Variants in DST observed in about 807,000 individuals in gnomAD.
DST encodes the protein bullous pemphigoid antigen.
Under a neutral mutation model 875.2 loss-of-function variants are expected in DST, and 253 were observed. That is an observed-to-expected ratio of 0.29 (90% CI 0.26 to 0.32). DST has a LOEUF of 0.32. Ranked by LOEUF, DST falls within the 10% of genes least tolerant of loss-of-function variation. The pLI, the probability that DST is intolerant of heterozygous loss-of-function variation, is 1.00. For missense variants in DST, 8,287 were observed against 9,111.6 expected, an observed-to-expected ratio of 0.91 and a Z score of 3.68; for synonymous variants, 3,124 against 3,197.1, an observed-to-expected ratio of 0.98 and a Z score of 0.77.
In DST at chr6:56,642,624, G is replaced by A. The variant is rs2152781868; in HGVS notation, c.1779-121C>T. 2.5e-6 allele frequency: 4 copies of A among 1,614,074 alleles called. No individual in the cohort carries two copies. The highest frequency in any genetic ancestry group is 1.7e-6 in the Non-Finnish European group (2 of 1,179,948). Reference sequence around the variant, plus strand: ...ATCCCACACCAATGATTCAATACCTGTGTCCATCAAAGGATTCACTGCCGA... The same window carrying A: ...ATCCCACACCAATGATTCAATACCTATGTCCATCAAAGGATTCACTGCCGA... On this transcript the variant is annotated intron_variant, in intron 15 of 103. Coordinates refer to ENST00000680361, the MANE Select transcript of DST (RefSeq NM_001374736.1).
intron 2 of DST, among the ~76,000 whole-genome samples, chr6:56,916,774 TCTCTCA>T (rs1404295301): frequency 1.6e-4 from 14 of 88,518 alleles, no homozygotes; most frequent in Admixed American, 5.6e-4. Flanking sequence ...TCTCTCTCTC[TCTCTCA>T]CACACACACA....
intron 10 of DST, among the ~76,000 whole-genome samples, chr6:56,658,321 A>G (rs1483062514): frequency 6.6e-6 from 1 of 152,202 alleles, no homozygotes; most frequent in South Asian, 2.1e-4. Context: ...TTTAGTCCTA[A>G]TTTGCTCTCT....
At chr6:56,855,776 C>T (rs1459409365) in intron 3 of DST, among the ~76,000 whole-genome samples, 1 of 152,170 alleles carries the variant, frequency 6.6e-6, no homozygotes, top group African/African-American at 2.4e-5. Context: ...GACACCATCC[C>T]ATGGCAGGGT....
intron 4 of DST, among the ~76,000 whole-genome samples, chr6:56,815,776 T>C (rs1000802970): frequency 1.3e-5 from 2 of 150,356 alleles, no homozygotes; most frequent in East Asian, 3.9e-4. Flanking sequence ...ATTTAAATAT[T>C]TTAGCCAATA....
chr6:56,462,414 T>TA lies in DST; in HGVS notation c.23070+631dup, dbSNP rs146197357. Among the ~76,000 whole-genome samples, 85 of 152,062 alleles carry TA rather than the reference T, an allele frequency of 5.6e-4. No homozygotes were observed. In the South Asian group the frequency reaches 5.6e-3, roughly 10 times the overall value. ...TGCTTAAATTAGTTATTAAAATCTT[T>TA]AAAAAAAACCCATACATTTATTACC... On this transcript the variant is annotated intron_variant, in intron 102 of 103. Transcript: ENST00000680361.
intron 4 of DST, among the ~76,000 whole-genome samples, chr6:56,845,262 C>T (rs2099805891): frequency 6.6e-6 from 1 of 152,166 alleles, no homozygotes. Context: ...GACCTTTTGC[C>T]CTCCATGATT....
At chr6:56,561,602 G>C in intron 56 of DST, 53 bp from the exon 57 acceptor site, 10 of 1,547,102 alleles carry the variant, frequency 6.5e-6, no homozygotes, top group Non-Finnish European at 8.7e-6. Flanking sequence ...ATTTGGAGCA[G>C]AGGTCTAGAA....
chr6:56,722,390 TTATTTATTTTTG>T (rs2099422324), intron 5 of DST, among the ~76,000 whole-genome samples: 1 of 146,440 alleles, frequency 6.8e-6, no homozygotes, highest in South Asian at 2.3e-4. Flanking sequence ...ATTTATTTAT[TTATTTATTTTTG>T]AGACGAAGTC....
chr6:56,645,025 T>C (rs2098934069), intron 15 of DST, among the ~76,000 whole-genome samples: 1 of 152,244 alleles, frequency 6.6e-6, no homozygotes, highest in South Asian at 2.1e-4. Context: ...ACATGTAAGA[T>C]GTGACTTTGC....
intron 2 of DST, among the ~76,000 whole-genome samples, chr6:56,933,223 A>C (rs748996): frequency 0.15 from 23,259 of 152,186 alleles, 1,976 homozygotes; most frequent in Middle Eastern, 0.23. Flanking sequence ...CAATTGCAAA[A>C]CAGAAAATCT....
At chr6:56,741,971 G>C (rs1220323365) in intron 4 of DST, among the ~76,000 whole-genome samples, 3 of 152,084 alleles carry the variant, frequency 2.0e-5, no homozygotes, top group Non-Finnish European at 4.4e-5. Context: ...AATGCAAAAA[G>C]AGTACTGATT....
At position 56,511,398 on chromosome 6, in the gene DST, T is replaced by C; in HGVS notation, c.18579A>G (p.Gln6193=). ...TLRQQQEEHR[Q]LRELIAEHKP... Reference sequence around the variant, plus strand: ...TGTGTTCAGCTATCAACTCACGCAGTTGCTATAACAAACCAAACAGCTTTT... The same window carrying C: ...TGTGTTCAGCTATCAACTCACGCAGCTGCTATAACAAACCAAACAGCTTTT... Residue 6193 remains glutamine, a splice_region_variant and synonymous_variant, in exon 73 of 104, where the codon CAA becomes CAG. Coordinates refer to ENST00000680361, the MANE Select transcript of DST (RefSeq NM_001374736.1). 1 of 1,597,976 alleles carries C rather than the reference T, an allele frequency of 6.3e-7. No homozygotes were observed. The highest frequency in any genetic ancestry group is 8.5e-7 in the Non-Finnish European group (1 of 1,171,800).
At chr6:56,707,339 G>A (rs1009205315) in intron 5 of DST, among the ~76,000 whole-genome samples, 1 of 152,168 alleles carries the variant, frequency 6.6e-6, no homozygotes, top group African/African-American at 2.4e-5. Flanking sequence ...ACTTCTCTGC[G>A]TATCTTCAAT....
At chr6:56,698,866 T>A (rs2099278016) in intron 9 of DST, among the ~76,000 whole-genome samples, 1 of 152,182 alleles carries the variant, frequency 6.6e-6, no homozygotes, top group African/African-American at 2.4e-5. Flanking sequence ...CATGGGTATA[T>A]TGCGTGATGT....
intron 9 of DST, among the ~76,000 whole-genome samples, chr6:56,689,375 T>A (rs957814411): frequency 1.3e-5 from 2 of 152,156 alleles, no homozygotes; most frequent in African/African-American, 2.4e-5. Context: ...GTAGTCCACA[T>A]TGCTTATCAG....
chr6:56,637,571 T>G (rs919997682), intron 22 of DST, among the ~76,000 whole-genome samples: 30 of 152,090 alleles, frequency 2.0e-4, no homozygotes, highest in African/African-American at 7.0e-4. Flanking sequence ...ACTCCCAAAT[T>G]GGTGTAATTC....
chr6:56,647,205 C>A (rs936016973), intron 13 of DST, among the ~76,000 whole-genome samples: 1 of 152,188 alleles, frequency 6.6e-6, no homozygotes, highest in African/African-American at 2.4e-5. Context: ...TGTTTCAGGA[C>A]GTCTGTTGGT....
At chr6:56,773,536 G>A (rs1393471309) in intron 4 of DST, among the ~76,000 whole-genome samples, 1 of 152,054 alleles carries the variant, frequency 6.6e-6, no homozygotes, top group Non-Finnish European at 1.5e-5. Flanking sequence ...TAAGCATAAG[G>A]TAATGGGGAG....
rs566509403 is a variant in DST at position 56,781,100 on chromosome 6, C to T, written c.626-45811G>A. Among the ~76,000 whole-genome samples, 14 of 150,930 alleles carry T rather than the reference C, an allele frequency of 9.3e-5. No individual in the cohort carries two copies. In the East Asian group the frequency reaches 2.3e-3, roughly 25 times the overall value. ...TTGATCTATATCTCTGTTTTGGTACCAGTACCATGCTGTTTTGGTTACTGT... is the reference window on the plus strand; with the variant it reads ...TTGATCTATATCTCTGTTTTGGTACTAGTACCATGCTGTTTTGGTTACTGT... On this transcript the variant is annotated intron_variant, in intron 4 of 103. Coordinates refer to ENST00000680361, the MANE Select transcript of DST (RefSeq NM_001374736.1).
Sources: allele counts gnomAD v4.1 joint callset (sites outside exome capture counted in the v4.1 genomes callset), GRCh38; gene constraint gnomAD v4.1.1; transcripts MANE v1.5; gene names NCBI Gene and HGNC (gene_info 2026-07-23, HGNC 2026-07-21).